NBPF12: variants seen among roughly 807,000 people sequenced by gnomAD.
NBPF12 encodes the protein NBPF member 12.
Under a neutral mutation model 146.4 loss-of-function variants are expected in NBPF12, and 115 were observed. The observed-to-expected ratio is 0.79, with a 90% CI of 0.68 to 0.92. The LOEUF (loss-of-function observed/expected upper bound fraction) is 0.92. NBPF12 is among the 40% of genes least tolerant of loss of function. NBPF12 has a pLI of 0.00. For missense variants in NBPF12, 1,205 were observed against 1,326.8 expected, an observed-to-expected ratio of 0.91 and a Z score of 1.43; for synonymous variants, 385 against 508.9, an observed-to-expected ratio of 0.76 and a Z score of 3.28.
chr1:146,966,519 T>G, exon 9 of NBPF12: 2 of 1,479,646 alleles, frequency 1.4e-6, no homozygotes, highest in Non-Finnish European at 1.9e-6. Flanking sequence ...CAGCCGGCCC[T>G]TTGTCCAGCG....
intron 8 of NBPF12, 45 bp downstream of exon 11, chr1:146,965,149 G>A (rs1179967354): frequency 1.8e-6 from 2 of 1,099,972 alleles, no homozygotes; most frequent in Non-Finnish European, 2.8e-6. Context: ...TCTAGGCTAT[G>A]GAAGATCAAT....
Position 146,972,738 on chromosome 1 carries a change from T to C in NBPF12, c.1592-13T>C. The stretch of plus-strand genomic sequence containing the variant: ...TTTTTAACCCATCATGTGTTTGCCT[T>C]TCTTCTCCCCAGTCCCTGGCCCCAC... On this transcript the variant is annotated splice_polypyrimidine_tract_variant and intron_variant, in intron 13 of 33. Coordinates refer to ENST00000617844, the Ensembl canonical transcript of NBPF12. The C allele has an allele frequency of 1.5e-6, 2 of 1,353,628 alleles. No individual in the cohort carries two copies. Among genetic ancestry groups the C allele is most frequent in the Non-Finnish European group, 2.1e-6 (2 of 945,848 alleles). The allele number at this position is 1,353,628 out of a possible 1,614,324, so 83.9% of individuals were successfully genotyped here. A position where few individuals can be genotyped will look rare whatever the true frequency, so the allele number is the denominator to read the frequency against.
chr1:146,995,043 G>C (rs1190226493), exon 34 of NBPF12: 4 of 176,990 alleles, frequency 2.3e-5, no homozygotes, highest in Non-Finnish European at 4.7e-5. Context: ...AGGGATCCTT[G>C]GCTGAGGATT....
At chr1:146,946,733 T>C (rs1655093012), upstream of NBPF12, among the ~76,000 whole-genome samples, 4 of 151,022 alleles carry the variant, frequency 2.6e-5, no homozygotes, top group Non-Finnish European at 5.9e-5. Context: ...ATTGTGCTTT[T>C]GGTTTTGTAT....
Position 146,972,742 on chromosome 1 carries a change from T to A in NBPF12, c.1592-9T>A. 2 of 1,344,828 alleles carry A rather than the reference T, an allele frequency of 1.5e-6. No individual in the cohort carries two copies. The highest frequency in any genetic ancestry group is 2.1e-6 in the Non-Finnish European group (2 of 937,866). The allele number at this position is 1,344,828 out of a possible 1,614,324, so 83.3% of individuals were successfully genotyped here. A position where few individuals can be genotyped will look rare whatever the true frequency, so the allele number is the denominator to read the frequency against. ...TAACCCATCATGTGTTTGCCTTTCT[T>A]CTCCCCAGTCCCTGGCCCCACCTCT... On this transcript the variant is annotated splice_polypyrimidine_tract_variant and intron_variant, in intron 13 of 33. Transcript: ENST00000617844.
At chr1:146,941,051 T>C (rs1654779487) in intron 1 of NBPF12, among the ~76,000 whole-genome samples, 1 of 152,118 alleles carries the variant, frequency 6.6e-6, no homozygotes, top group Admixed American at 6.5e-5. Flanking sequence ...GTTTTCACTC[T>C]TTTAATGATG....
intron 1 of NBPF12, among the ~76,000 whole-genome samples, chr1:146,939,226 T>C (rs1312859502): frequency 6.6e-6 from 1 of 151,584 alleles, no homozygotes; most frequent in Non-Finnish European, 1.5e-5. Context: ...CCCTGGCGGG[T>C]GTTCTGTGGC....
At chr1:146,961,399 T>C (rs1296897450) in intron 4 of NBPF12, among the ~76,000 whole-genome samples, 1 of 151,838 alleles carries the variant, frequency 6.6e-6, no homozygotes, top group Non-Finnish European at 1.5e-5. Context: ...GGTACTACAA[T>C]AATACCTACC....
At chr1:146,954,413 A>AG (rs1553884155) in intron 2 of NBPF12, among the ~76,000 whole-genome samples, 42 of 112,288 alleles carry the variant, frequency 3.7e-4, no homozygotes, top group East Asian at 6.5e-4. Flanking sequence ...AAAAAAAAAA[A>AG]GGAAAGTCAA....
At position 146,994,814 on chromosome 1, in the gene NBPF12, C is replaced by T. The variant is rs1210731089; in HGVS notation, c.*239C>T. The T allele has an allele frequency of 2.4e-3, 1,877 of 782,210 alleles. 46 individuals are homozygous for T. In the African/African-American group the frequency reaches 0.031, roughly 13 times the overall value. The allele number at this position is 782,210 out of a possible 1,614,324, so 48.5% of individuals were successfully genotyped here. On this transcript the variant is annotated 3_prime_UTR_variant, in exon 34 of 34. Transcript: ENST00000617844. ...TGCAGCACATGCCGGGAGTGATCAG[C>T]CGGACATTTTAATTTGAACCATGTA... is the stretch of plus-strand genomic sequence containing the variant.
exon 28 of NBPF12, chr1:146,989,674 C>G: frequency 6.2e-7 from 1 of 1,610,596 alleles, no homozygotes; most frequent in South Asian, 1.1e-5. Context: ...ACTGACTGAC[C>G]CATGCCAGCC....
chr1:146,965,012 T>C lies in NBPF12; in HGVS notation c.686T>C (p.Ile229Thr), dbSNP rs1476756773. Residue 229 changes from isoleucine to threonine, a missense_variant, in exon 8 of 34, where the codon ATC becomes ACC. Ile to Thr is a moderately conservative substitution (Grantham distance 89). Transcript: ENST00000617844. ...ATCCAGCCTCACAAGAACATCAAAA[T>C]CACATTTGAGGAAGACAAAGTCAAC... 24 of 1,608,370 alleles carry C rather than the reference T, an allele frequency of 1.5e-5. 1 individual carries two copies. Among genetic ancestry groups the C allele is most frequent in the Non-Finnish European group, 2.0e-5 (24 of 1,178,614 alleles).
intron 11 of NBPF12, among the ~76,000 whole-genome samples, chr1:146,970,397 T>C (rs1358579125): frequency 6.6e-6 from 1 of 150,956 alleles, no homozygotes; most frequent in Non-Finnish European, 1.5e-5. Flanking sequence ...TGCACAAGCC[T>C]CCAGTGATAT....
exon 26 of NBPF12, chr1:146,988,053 C>A (rs1265938022): frequency 2.8e-5 from 19 of 673,174 alleles, no homozygotes; most frequent in Non-Finnish European, 4.8e-5. Flanking sequence ...AACAGCCTGA[C>A]TCCTGCCAGC....
At chr1:146,987,197 G>A in intron 24 of NBPF12, 37 bp from the exon 28 acceptor site, 1 of 675,386 alleles carries the variant, frequency 1.5e-6, no homozygotes, top group Non-Finnish European at 2.7e-6. Flanking sequence ...TAGGTGAATT[G>A]GCTTATTTTG....
At chr1:146,978,543 A>G (rs1657193074) in intron 18 of NBPF12, among the ~76,000 whole-genome samples, 2 of 151,452 alleles carry the variant, frequency 1.3e-5, no homozygotes, top group African/African-American at 4.9e-5. Context: ...GATTCTTTTT[A>G]AAGCAAGAGT....
intron 21 of NBPF12, 95 bp from the exon 25 acceptor site, chr1:146,984,718 T>A (rs1657637122): frequency 6.2e-6 from 5 of 802,226 alleles, no homozygotes; most frequent in South Asian, 2.7e-5. Context: ...CTTTTTCTTT[T>A]CAAACTCTTC....
chr1:146,950,728 C>T, intron 1 of NBPF12, among the ~76,000 whole-genome samples: 1 of 152,108 alleles, frequency 6.6e-6, no homozygotes. Flanking sequence ...ATGAATGTAT[C>T]ACATTCTTGT....
At position 146,972,735 on chromosome 1, in the gene NBPF12, C is replaced by T. The variant is rs1656737428; in HGVS notation, c.1592-16C>T. 1.5e-6 allele frequency: 2 copies of T among 1,351,252 alleles called. No homozygotes were observed. The highest frequency in any genetic ancestry group is 1.5e-5 in the African/African-American group (1 of 68,606). 83.7% of individuals were successfully genotyped at this position (1,351,252 alleles called of 1,614,324 possible). A position where few individuals can be genotyped will look rare whatever the true frequency, so the allele number is the denominator to read the frequency against. Reference sequence around the variant, plus strand: ...CAGTTTTTAACCCATCATGTGTTTGCCTTTCTTCTCCCCAGTCCCTGGCCC... The same window carrying T: ...CAGTTTTTAACCCATCATGTGTTTGTCTTTCTTCTCCCCAGTCCCTGGCCC... On this transcript the variant is annotated splice_polypyrimidine_tract_variant and intron_variant, in intron 13 of 33. Transcript: ENST00000617844.
Sources: allele counts gnomAD v4.1 joint callset (sites outside exome capture counted in the v4.1 genomes callset), GRCh38; gene constraint gnomAD v4.1.1; transcripts MANE v1.5; gene names NCBI Gene and HGNC (gene_info 2026-07-23, HGNC 2026-07-21).